PTPRE: variants seen among roughly 807,000 people sequenced by gnomAD.
PTPRE encodes receptor-type tyrosine-protein phosphatase epsilon.
In PTPRE, 51 loss-of-function variants were observed where a neutral mutation model predicts 102.0. The ratio of observed to expected loss-of-function variants is 0.50; its 90% CI spans 0.40 to 0.63. PTPRE has a LOEUF of 0.63. PTPRE is among the 30% of genes least tolerant of loss of function. The probability of loss-of-function intolerance (pLI) is 0.00; values close to 1 mark genes in which losing one functional copy is unlikely to be tolerated. For missense variants in PTPRE, 752 were observed against 915.1 expected, an observed-to-expected ratio of 0.82 and a Z score of 2.30; for synonymous variants, 345 against 348.2, an observed-to-expected ratio of 0.99 and a Z score of 0.10.
intron 1 of PTPRE, among the ~76,000 whole-genome samples, chr10:127,927,386 G>C (rs7089111): frequency 0.49 from 74,452 of 152,052 alleles, 20,999 homozygotes; most frequent in African/African-American, 0.79. Context: ...AAGACACTCC[G>C]CATGAGAGGG....
At chr10:128,060,717 A>C (rs567987812) in intron 7 of PTPRE, among the ~76,000 whole-genome samples, 7 of 152,284 alleles carry the variant, frequency 4.6e-5, no homozygotes, top group South Asian at 2.1e-4. Flanking sequence ...TGAGACAGTC[A>C]GTGTTCACCA....
At chr10:128,044,928 C>A (rs1021303186) in intron 3 of PTPRE, among the ~76,000 whole-genome samples, 7 of 152,206 alleles carry the variant, frequency 4.6e-5, no homozygotes, top group African/African-American at 1.4e-4. Flanking sequence ...TGAATTTCTT[C>A]TTTAGGAAAG....
chr10:128,037,314 C>T (rs1320239684), intron 2 of PTPRE, among the ~76,000 whole-genome samples: 5 of 152,230 alleles, frequency 3.3e-5, no homozygotes, highest in South Asian at 2.1e-4. Context: ...CCCTGGCCTG[C>T]GTCTCCCTCG....
chr10:128,085,623 A>C lies in PTPRE; in HGVS notation c.*2717A>C, dbSNP rs1379406267. ...CCCATGTTATTCTTTTAAGTGTATA[A>C]TTACTGATACTTTTTTGTTTGTTTG... On this transcript the variant is annotated 3_prime_UTR_variant, in exon 21 of 21. Transcript: ENST00000254667. 1.3e-5 allele frequency: 2 copies of C among 152,668 alleles called. No homozygotes were observed. Among genetic ancestry groups the C allele is most frequent in the African/African-American group, 4.8e-5 (2 of 41,432 alleles). The allele number at this position is 152,668 out of a possible 1,614,324, so 9.5% of individuals were successfully genotyped here. A position where few individuals can be genotyped will look rare whatever the true frequency, so the allele number is the denominator to read the frequency against.
intron 6 of PTPRE, among the ~76,000 whole-genome samples, chr10:128,049,901 C>T (rs1004056059): frequency 6.6e-6 from 1 of 152,168 alleles, no homozygotes; most frequent in African/African-American, 2.4e-5. Context: ...AGCCTCCTTA[C>T]ACCTCCCCAC....
chr10:128,021,628 C>G (rs1391065718), intron 2 of PTPRE, among the ~76,000 whole-genome samples: 1 of 152,216 alleles, frequency 6.6e-6, no homozygotes, highest in Admixed American at 6.5e-5. Context: ...AGAATGCCCC[C>G]AAGCCAATGA....
At chr10:127,960,799 G>A (rs1253826210) in intron 1 of PTPRE, among the ~76,000 whole-genome samples, 5 of 152,068 alleles carry the variant, frequency 3.3e-5, no homozygotes, top group African/African-American at 9.7e-5. Flanking sequence ...CGAGGTGGGC[G>A]GATCACTAGG....
intron 2 of PTPRE, among the ~76,000 whole-genome samples, chr10:128,006,582 G>A (rs566429414): frequency 2.0e-5 from 3 of 152,254 alleles, no homozygotes; most frequent in East Asian, 1.9e-4. Context: ...ACAGAGTTCC[G>A]TCTTTATTGC....
chr10:127,958,353 A>G (rs942198792), intron 1 of PTPRE, among the ~76,000 whole-genome samples: 4 of 152,122 alleles, frequency 2.6e-5, no homozygotes, highest in Admixed American at 1.3e-4. Context: ...TCCTTTATCA[A>G]CTTGAGGAAA....
intron 1 of PTPRE, among the ~76,000 whole-genome samples, chr10:127,962,966 G>A (rs1163769644): frequency 6.6e-6 from 1 of 152,186 alleles, no homozygotes; most frequent in Admixed American, 6.5e-5. Context: ...AAGTTGGGGT[G>A]CCCTTGGATT....
chr10:128,038,981 C>T (rs1433604666), intron 2 of PTPRE, among the ~76,000 whole-genome samples: 1 of 152,114 alleles, frequency 6.6e-6, no homozygotes, highest in Non-Finnish European at 1.5e-5. Flanking sequence ...TTGTCTTTCT[C>T]AAGGGTGTCG....
intron 2 of PTPRE, among the ~76,000 whole-genome samples, chr10:128,035,643 T>C (rs2135767997): frequency 6.6e-6 from 1 of 152,342 alleles, no homozygotes; most frequent in Non-Finnish European, 1.5e-5. Flanking sequence ...AGGTAGGTGA[T>C]GGGTTCGGGC....
chr10:127,975,105 C>T (rs1396472324), intron 1 of PTPRE, among the ~76,000 whole-genome samples: 5 of 152,116 alleles, frequency 3.3e-5, no homozygotes, highest in Admixed American at 6.5e-5. Flanking sequence ...GATCACCTGG[C>T]GTCTAGTGGG....
At chr10:128,041,646 CAAAAAAAAAAAAAA>C in intron 3 of PTPRE, among the ~76,000 whole-genome samples, 1 of 77,358 alleles carries the variant, frequency 1.3e-5, no homozygotes, top group South Asian at 5.9e-4. Context: ...GACTACGTCT[CAAAAAAAAAAAAAA>C]AAAAAAAAAA....
intron 6 of PTPRE, among the ~76,000 whole-genome samples, chr10:128,055,863 A>G (rs140156285): frequency 4.6e-5 from 7 of 152,334 alleles, no homozygotes; most frequent in African/African-American, 1.4e-4. Flanking sequence ...CATGCAGCAT[A>G]GGATCTGGCT....
chr10:127,948,711 G>A (rs115055537), intron 1 of PTPRE, among the ~76,000 whole-genome samples: 2,110 of 152,316 alleles, frequency 0.014, 40 homozygotes, highest in African/African-American at 0.048. Context: ...GCGCTGAATA[G>A]CATTTTATTG....
At chr10:127,963,895 G>T (rs1453370106) in intron 1 of PTPRE, among the ~76,000 whole-genome samples, 1 of 152,192 alleles carries the variant, frequency 6.6e-6, no homozygotes, top group Non-Finnish European at 1.5e-5. Context: ...CAGCCCATTT[G>T]CAGAGCTACC....
intron 1 of PTPRE, among the ~76,000 whole-genome samples, chr10:127,947,234 A>G (rs890091730): frequency 1.3e-5 from 2 of 152,222 alleles, no homozygotes; most frequent in Non-Finnish European, 2.9e-5. Context: ...AAGAGGTTAT[A>G]TTTTAGTTTT....
In PTPRE at chr10:128,047,749, T is replaced by C; in HGVS notation, c.210-15T>C. 3.1e-6 allele frequency: 5 copies of C among 1,611,792 alleles called. No individual in the cohort carries two copies. The highest frequency in any genetic ancestry group is 4.2e-6 in the Non-Finnish European group (5 of 1,178,074). On this transcript the variant is annotated splice_polypyrimidine_tract_variant and intron_variant, in intron 4 of 20. Transcript: ENST00000254667. ...CCTAGAAGTGTGGAAACCTAACGCA[T>C]CCTGTGTCTCTAAGGTTCAGGAAGC...
Sources: allele counts gnomAD v4.1 joint callset (sites outside exome capture counted in the v4.1 genomes callset), GRCh38; gene constraint gnomAD v4.1.1; transcripts MANE v1.5; gene names NCBI Gene and HGNC (gene_info 2026-07-23, HGNC 2026-07-21).